WDR70: variants seen among roughly 807,000 people sequenced by gnomAD.
The protein encoded by WDR70 is WD repeat domain 70.
Under a neutral mutation model 88.6 loss-of-function variants are expected in WDR70, and 53 were observed. The observed-to-expected ratio is 0.60, with a 90% CI of 0.48 to 0.75. The LOEUF is 0.75. Among genes scored for constraint, WDR70 ranks in the 30% least tolerant of loss-of-function variants. The pLI is 0.00. For synonymous variants in WDR70, 280 were observed against 270.0 expected (o/e 1.04, Z -0.36); for missense variants, 610 against 823.2 (o/e 0.74, Z 3.17).
At chr5:37,650,808 C>T (rs945440262) in intron 10 of WDR70, among the ~76,000 whole-genome samples, 2 of 152,110 alleles carry the variant, frequency 1.3e-5, no homozygotes, top group Non-Finnish European at 2.9e-5. Flanking sequence ...TACATACTCT[C>T]CGTCCTGTGC....
chr5:37,557,430 A>G (rs377516275), intron 9 of WDR70, among the ~76,000 whole-genome samples: 3 of 152,270 alleles, frequency 2.0e-5, no homozygotes, highest in Non-Finnish European at 4.4e-5. Flanking sequence ...CTGTTTTTGT[A>G]TGAGGGTAGT....
intron 3 of WDR70, among the ~76,000 whole-genome samples, chr5:37,386,902 A>T (rs990335854): frequency 1.3e-5 from 2 of 152,046 alleles, no homozygotes; most frequent in African/African-American, 4.8e-5. Flanking sequence ...GTTTGAGATC[A>T]GCCTGGCCAA....
At chr5:37,664,974 G>A (rs1235400498) in intron 10 of WDR70, among the ~76,000 whole-genome samples, 1 of 152,230 alleles carries the variant, frequency 6.6e-6, no homozygotes, top group Non-Finnish European at 1.5e-5. Flanking sequence ...TAAATTTGTA[G>A]CTAGTGACTT....
chr5:37,685,897 C>G (rs879275512), intron 10 of WDR70, among the ~76,000 whole-genome samples: 3 of 152,180 alleles, frequency 2.0e-5, no homozygotes, highest in Non-Finnish European at 2.9e-5. Context: ...ACACAAGTTC[C>G]CAGCTTCCTC....
intron 10 of WDR70, among the ~76,000 whole-genome samples, chr5:37,612,461 A>G (rs886928514): frequency 1.2e-4 from 18 of 152,116 alleles, no homozygotes; most frequent in African/African-American, 2.4e-5. Flanking sequence ...TGAGGGCATG[A>G]TCCCCCCATG....
intron 10 of WDR70, among the ~76,000 whole-genome samples, chr5:37,645,869 G>A (rs1311679328): frequency 6.6e-6 from 1 of 152,038 alleles, no homozygotes; most frequent in Non-Finnish European, 1.5e-5. Context: ...CTTTGTGGAT[G>A]AAGTGTGTTT....
intron 10 of WDR70, among the ~76,000 whole-genome samples, chr5:37,610,460 T>G (rs1476718260): frequency 6.6e-6 from 1 of 152,068 alleles, no homozygotes; most frequent in Non-Finnish European, 1.5e-5. Flanking sequence ...TTTTTTGGTT[T>G]ATTATTATTT....
At chr5:37,521,741 C>CA (rs1554146346) in intron 9 of WDR70, among the ~76,000 whole-genome samples, 22 of 143,432 alleles carry the variant, frequency 1.5e-4, no homozygotes, top group African/African-American at 2.4e-4. Context: ...CACACACACA[C>CA]CCACATGTTC....
At chr5:37,752,448 A>C in intron 17 of WDR70, 38 bp from the exon 18 acceptor site, 11 of 1,528,576 alleles carry the variant, frequency 7.2e-6, no homozygotes, top group Non-Finnish European at 9.8e-6. Context: ...ATACTTTCTG[A>C]CTAAATTTTT....
intron 8 of WDR70, among the ~76,000 whole-genome samples, chr5:37,509,540 T>C (rs1244248090): frequency 2.0e-5 from 3 of 152,182 alleles, no homozygotes; most frequent in Non-Finnish European, 4.4e-5. Context: ...GAAACATACT[T>C]TGAATAATTT....
intron 9 of WDR70, among the ~76,000 whole-genome samples, chr5:37,591,098 C>G (rs897839879): frequency 6.6e-6 from 1 of 151,996 alleles, no homozygotes; most frequent in Admixed American, 6.6e-5. Context: ...TCTGGGAGGC[C>G]GAGGTGGGTG....
intron 8 of WDR70, chr5:37,506,434 G>T: frequency 1.3e-6 from 1 of 769,834 alleles, no homozygotes; most frequent in Non-Finnish European, 2.4e-6. Flanking sequence ...AAGTACTCAG[G>T]ACTTTGGTCA....
intron 5 of WDR70, among the ~76,000 whole-genome samples, chr5:37,424,737 C>T (rs1015600287): frequency 1.4e-4 from 21 of 152,154 alleles, no homozygotes; most frequent in Non-Finnish European, 2.5e-4. Context: ...GAATATCACT[C>T]ATCAAATTAA....
intron 9 of WDR70, among the ~76,000 whole-genome samples, chr5:37,574,018 A>G (rs996671079): frequency 6.6e-6 from 1 of 152,202 alleles, no homozygotes; most frequent in Non-Finnish European, 1.5e-5. Context: ...TGACCGTGAA[A>G]GATACAAGAG....
At chr5:37,642,968 T>C (rs1331642838) in intron 10 of WDR70, among the ~76,000 whole-genome samples, 1 of 152,176 alleles carries the variant, frequency 6.6e-6, no homozygotes, top group Non-Finnish European at 1.5e-5. Context: ...TTGTTTTCTT[T>C]GCTTTGCAGA....
Position 37,531,184 on chromosome 5 carries a change from T to C in WDR70, c.917+14594T>C, listed in dbSNP as rs555903241. ...TCGATATAATTTTGATTTTCTTGAA[T>C]TTACTGAGACTTGTTTTGTGGCATA... On this transcript the variant is annotated intron_variant, in intron 9 of 17. Coordinates refer to ENST00000265107, the MANE Select transcript of WDR70 (RefSeq NM_018034.4). Among the ~76,000 whole-genome samples, 11 of 152,336 alleles carry C rather than the reference T, an allele frequency of 7.2e-5. 1 individual carries two copies. The East Asian group carries it at 2.1e-3, about 29-fold the overall frequency.
At chr5:37,430,339 G>A (rs1480554175) in intron 5 of WDR70, among the ~76,000 whole-genome samples, 2 of 152,174 alleles carry the variant, frequency 1.3e-5, no homozygotes, top group African/African-American at 4.8e-5. Context: ...AACTGTTGTA[G>A]TTAAAGATTT....
At position 37,701,196 on chromosome 5, in the gene WDR70, C is replaced by T. The variant is rs1747152235; in HGVS notation, c.1277+54C>T. 5.2e-6 allele frequency: 6 copies of T among 1,149,328 alleles called. No individual in the cohort carries two copies. In the Admixed American group the frequency reaches 1.1e-4, roughly 21 times the overall value. 71.2% of individuals were successfully genotyped at this position (1,149,328 alleles called of 1,614,324 possible). On this transcript the variant is annotated intron_variant, in intron 12 of 17. Coordinates refer to ENST00000265107, the MANE Select transcript of WDR70 (RefSeq NM_018034.4). ...AGCATAGAAGAATGGAAAAGAAGTA[C>T]TTTTACTTTAATGTTAATTTATATC...
chr5:37,400,613 G>C (rs4869502), intron 5 of WDR70, among the ~76,000 whole-genome samples: 147,876 of 152,222 alleles, frequency 0.97, 71,986 homozygotes, highest in East Asian at 1. Context: ...GAAGAGAGGT[G>C]TCACCAGAAA....
Sources: allele counts gnomAD v4.1 joint callset (sites outside exome capture counted in the v4.1 genomes callset), GRCh38; gene constraint gnomAD v4.1.1; transcripts MANE v1.5; gene names NCBI Gene and HGNC (gene_info 2026-07-23, HGNC 2026-07-21).